SLC1A1: variants seen among roughly 807,000 people sequenced by gnomAD.
The protein encoded by SLC1A1 is solute carrier family 1 member 1, also known as excitatory amino acid transporter 3.
SLC1A1 carries 43 observed loss-of-function variants against 53.3 expected under a neutral mutation model. The observed-to-expected ratio is 0.81, with a 90% CI of 0.63 to 1.04. SLC1A1 has a LOEUF of 1.04. Among genes scored for constraint, SLC1A1 ranks in the 50% least tolerant of loss-of-function variants. SLC1A1 has a pLI of 0.00. For synonymous variants in SLC1A1, 307 were observed against 243.2 expected, an observed-to-expected ratio of 1.26 and a Z score of -2.44; for missense variants, 748 against 664.9, an observed-to-expected ratio of 1.12 and a Z score of -1.37.
At chr9:4,531,922 C>T (rs10974599) in intron 1 of SLC1A1, among the ~76,000 whole-genome samples, 15,006 of 152,148 alleles carry the variant, frequency 0.099, 1,028 homozygotes, top group African/African-American at 0.19. Flanking sequence ...CTGCAGTCTC[C>T]GCTGCTGATA....
At chr9:4,581,254 C>G (rs1051714625) in intron 10 of SLC1A1, among the ~76,000 whole-genome samples, 3 of 152,192 alleles carry the variant, frequency 2.0e-5, no homozygotes, top group Non-Finnish European at 2.9e-5. Context: ...GTCCAATGGC[C>G]GGTCCTAAAA....
rs772549180 is a variant in SLC1A1 at position 4,544,697 on chromosome 9, C to T, written c.222C>T (p.Ser74=). The change falls in exon 2 of 12, where the codon AGC becomes AGT. Residue 74 remains serine (S), a synonymous_variant. Coordinates refer to ENST00000262352, the MANE Select transcript of SLC1A1 (RefSeq NM_004170.6). Reference sequence around the variant, plus strand: ...TCATTTTGCCATTAATTATATCCAGCATGATTACAGGTACCTTGAGAAAAC... The same window carrying T: ...TCATTTTGCCATTAATTATATCCAGTATGATTACAGGTACCTTGAGAAAAC... ...KLIILPLIIS[S]MITGVAALDS... The T allele has an allele frequency of 4.3e-6, 7 of 1,612,966 alleles. No homozygotes were observed. In the South Asian group the frequency reaches 7.7e-5, roughly 18 times the overall value.
intron 1 of SLC1A1, among the ~76,000 whole-genome samples, chr9:4,541,557 G>T (rs562379510): frequency 6.6e-6 from 1 of 152,182 alleles, no homozygotes; most frequent in Non-Finnish European, 1.5e-5. Flanking sequence ...CATACTTAGA[G>T]AGAAAGGGTC....
intron 2 of SLC1A1, among the ~76,000 whole-genome samples, chr9:4,547,502 T>C (rs1274159426): frequency 1.3e-5 from 2 of 152,128 alleles, no homozygotes; most frequent in African/African-American, 4.8e-5. Flanking sequence ...AATTGTCAGA[T>C]TAGAGGGAAA....
chr9:4,582,288 G>T (rs1821171492), intron 10 of SLC1A1, among the ~76,000 whole-genome samples: 1 of 152,188 alleles, frequency 6.6e-6, no homozygotes, highest in Admixed American at 6.5e-5. Flanking sequence ...TCACCTGGCT[G>T]CCCCTCCTGG....
chr9:4,497,341 T>C (rs913862949), intron 1 of SLC1A1, among the ~76,000 whole-genome samples: 1 of 152,172 alleles, frequency 6.6e-6, no homozygotes. Flanking sequence ...TTCTAACCAC[T>C]ATCCTCTCCC....
At chr9:4,545,225 C>G (rs984881003) in intron 2 of SLC1A1, among the ~76,000 whole-genome samples, 1 of 151,914 alleles carries the variant, frequency 6.6e-6, no homozygotes, top group Admixed American at 6.5e-5. Flanking sequence ...CTCTCCACCT[C>G]TCTCCACTTG....
chr9:4,501,153 T>C (rs1820617250), intron 1 of SLC1A1, among the ~76,000 whole-genome samples: 1 of 148,234 alleles, frequency 6.7e-6, no homozygotes, highest in African/African-American at 2.6e-5. Flanking sequence ...AGGAAGGCTC[T>C]TGATAGTAGA....
At position 4,491,064 on chromosome 9, in the gene SLC1A1, T is replaced by C. The variant is rs116451654; in HGVS notation, c.91+294T>C. Among the ~76,000 whole-genome samples the C allele has an allele frequency of 8.0e-3, 1,225 of 152,348 alleles. 20 individuals are homozygous for C. The highest frequency in any genetic ancestry group is 0.029 in the African/African-American group (1,190 of 41,578). On this transcript the variant is annotated intron_variant, in intron 1 of 11. Transcript: ENST00000262352. ...GGGTAGAAAGGGAAGCAAGTAGCTC[T>C]TGGTTCTGCTCGTTTGAAAACAGGG...
intron 1 of SLC1A1, among the ~76,000 whole-genome samples, chr9:4,505,649 G>C (rs1325315552): frequency 6.6e-6 from 1 of 152,016 alleles, no homozygotes; most frequent in East Asian, 1.9e-4. Context: ...CTTTGTTGTT[G>C]TTGTTGTTGT....
At chr9:4,580,469 T>C (rs998978865) in intron 10 of SLC1A1, among the ~76,000 whole-genome samples, 2 of 151,784 alleles carry the variant, frequency 1.3e-5, no homozygotes, top group Non-Finnish European at 2.9e-5. Flanking sequence ...TGGTCTCAGC[T>C]ACTCAGGAGG....
intron 2 of SLC1A1, among the ~76,000 whole-genome samples, chr9:4,558,835 G>A (rs1050583658): frequency 1.3e-4 from 20 of 152,078 alleles, no homozygotes; most frequent in African/African-American, 4.1e-4. Context: ...AAAGAAGGAC[G>A]ACATATCTGA....
At chr9:4,535,027 T>C (rs1045296929) in intron 1 of SLC1A1, among the ~76,000 whole-genome samples, 1 of 152,146 alleles carries the variant, frequency 6.6e-6, no homozygotes, top group African/African-American at 2.4e-5. Flanking sequence ...CTAAAAACTC[T>C]CAATAAATTA....
At chr9:4,534,258 C>T (rs1816589272) in intron 1 of SLC1A1, among the ~76,000 whole-genome samples, 2 of 152,020 alleles carry the variant, frequency 1.3e-5, no homozygotes, top group South Asian at 4.1e-4. Flanking sequence ...TTCAAAAAAT[C>T]AATGAATCCA....
intron 1 of SLC1A1, among the ~76,000 whole-genome samples, chr9:4,528,773 C>T (rs1229796617): frequency 6.7e-6 from 1 of 150,292 alleles, no homozygotes; most frequent in African/African-American, 2.5e-5. Flanking sequence ...GTAATATATG[C>T]GGCCTCATCC....
chr9:4,579,730 G>C, intron 10 of SLC1A1, among the ~76,000 whole-genome samples: 1 of 152,146 alleles, frequency 6.6e-6, no homozygotes, highest in East Asian at 1.9e-4. Context: ...TACCATTATA[G>C]TTCATGTGAC....
intron 1 of SLC1A1, among the ~76,000 whole-genome samples, chr9:4,522,241 T>G (rs1484513149): frequency 1.3e-5 from 2 of 151,668 alleles, no homozygotes; most frequent in African/African-American, 4.8e-5. Flanking sequence ...TCTGTAGAGA[T>G]GGGGTTTCAC....
intron 1 of SLC1A1, among the ~76,000 whole-genome samples, chr9:4,501,657 G>C (rs917736030): frequency 6.6e-6 from 1 of 151,568 alleles, no homozygotes; most frequent in African/African-American, 2.4e-5. Context: ...CCAGCTACTG[G>C]GGAGGCTGAG....
chr9:4,494,813 A>C (rs1820357681), intron 1 of SLC1A1, among the ~76,000 whole-genome samples: 1 of 152,110 alleles, frequency 6.6e-6, no homozygotes, highest in Non-Finnish European at 1.5e-5. Flanking sequence ...TTGTTAAGGC[A>C]CTTCTTATAT....
Sources: gnomAD v4.1 joint callset for allele counts (sites outside exome capture counted in the v4.1 genomes callset) on GRCh38, gnomAD v4.1.1 for gene constraint, MANE v1.5 for transcripts, NCBI Gene and HGNC (gene_info 2026-07-23, HGNC 2026-07-21) for gene names.